NRCAM: variants seen among roughly 807,000 people sequenced by gnomAD.
NRCAM encodes the protein neuronal cell adhesion molecule, also known as NgCAM-related cell adhesion molecule.
In NRCAM, 83 loss-of-function variants were observed where a neutral mutation model predicts 156.5. The observed-to-expected ratio is 0.53, with a 90% CI of 0.44 to 0.64. NRCAM has a LOEUF of 0.64. NRCAM is among the 30% of genes least tolerant of loss of function. The pLI, the probability that NRCAM is intolerant of heterozygous loss-of-function variation, is 0.00. For synonymous variants in NRCAM, 538 were observed against 563.9 expected (o/e 0.95, Z 0.65); for missense variants, 1,417 against 1,597.3 (o/e 0.89, Z 1.92).
chr7:108,167,129 C>T, intron 29 of NRCAM, 56 bp from the exon 30 acceptor site: 1 of 1,395,326 alleles, frequency 7.2e-7, no homozygotes, highest in Non-Finnish European at 9.9e-7. Context: ...CCAGAAGTCA[C>T]TTAATGCTTC....
chr7:108,174,239 A>T (rs1009471631), intron 28 of NRCAM, among the ~76,000 whole-genome samples: 1 of 152,214 alleles, frequency 6.6e-6, no homozygotes, highest in African/African-American at 2.4e-5. Flanking sequence ...ATTACTGAAA[A>T]TGGCTACAGT....
intron 2 of NRCAM, among the ~76,000 whole-genome samples, chr7:108,352,958 TTCTC>T (rs776228014): frequency 2.0e-5 from 3 of 152,152 alleles, no homozygotes; most frequent in African/African-American, 7.2e-5. Flanking sequence ...ACCTATTCAT[TTCTC>T]TCTAAGCCTG....
chr7:108,250,016 G>T (rs763146819), intron 3 of NRCAM, among the ~76,000 whole-genome samples: 55 of 152,252 alleles, frequency 3.6e-4, no homozygotes, highest in Non-Finnish European at 6.9e-4. Flanking sequence ...CATGTTTGTT[G>T]CAACAATATT....
chr7:108,171,097 T>A (rs2058198210), intron 28 of NRCAM, among the ~76,000 whole-genome samples: 1 of 152,160 alleles, frequency 6.6e-6, no homozygotes, highest in African/African-American at 2.4e-5. Context: ...TTCCTTTTAA[T>A]CCCCACTCAT....
intron 13 of NRCAM, among the ~76,000 whole-genome samples, chr7:108,204,697 C>A (rs570159170): frequency 6.6e-6 from 1 of 152,248 alleles, no homozygotes; most frequent in African/African-American, 2.4e-5. Flanking sequence ...AGAGGGTGAG[C>A]GACCCTGGAT....
chr7:108,235,466 G>A (rs1392577496), intron 5 of NRCAM, among the ~76,000 whole-genome samples: 3 of 152,132 alleles, frequency 2.0e-5, no homozygotes, highest in African/African-American at 7.2e-5. Flanking sequence ...ATCAGAATTA[G>A]TGTTATGACA....
chr7:108,437,999 GA>G (rs1834190073), intron 1 of NRCAM, among the ~76,000 whole-genome samples: 2 of 146,392 alleles, frequency 1.4e-5, no homozygotes. Flanking sequence ...AACTCAAGGA[GA>G]CATGGAAAAT....
In NRCAM at chr7:108,240,103, T is replaced by C. The variant is rs1405544951; in HGVS notation, c.-39A>G. 18 of 1,407,582 alleles carry C rather than the reference T, an allele frequency of 1.3e-5. No homozygotes were observed. Among genetic ancestry groups the C allele is most frequent in the South Asian group, 2.4e-5 (2 of 83,208 alleles). 87.2% of individuals were successfully genotyped at this position (1,407,582 alleles called of 1,614,324 possible). A position where few individuals can be genotyped will look rare whatever the true frequency, so the allele number is the denominator to read the frequency against. On this transcript the variant is annotated 5_prime_UTR_variant, in exon 4 of 33. Transcript: ENST00000379028. ...GCTGAGACTCACACACTGAATTTCCTTTTCTTCTTTCACAAAAGATTTTGT... is the reference window on the plus strand; with the variant it reads ...GCTGAGACTCACACACTGAATTTCCCTTTCTTCTTTCACAAAAGATTTTGT...
intron 2 of NRCAM, among the ~76,000 whole-genome samples, chr7:108,314,527 C>A (rs2154188642): frequency 6.6e-6 from 1 of 152,218 alleles, no homozygotes; most frequent in Non-Finnish European, 1.5e-5. Flanking sequence ...CAGATAACAT[C>A]CACGCGAAAA....
chr7:108,341,769 C>T (rs2099279936), intron 2 of NRCAM, among the ~76,000 whole-genome samples: 1 of 152,124 alleles, frequency 6.6e-6, no homozygotes, highest in South Asian at 2.1e-4. Context: ...GAACTAAAAG[C>T]CCAAGGCTTA....
At chr7:108,231,708 TG>T (rs1273952539) in intron 7 of NRCAM, among the ~76,000 whole-genome samples, 2 of 152,212 alleles carry the variant, frequency 1.3e-5, no homozygotes, top group African/African-American at 4.8e-5. Flanking sequence ...TTTCCTTGAA[TG>T]GAAGGATTCA....
At chr7:108,374,634 A>T (rs1325874199) in intron 2 of NRCAM, among the ~76,000 whole-genome samples, 1 of 152,192 alleles carries the variant, frequency 6.6e-6, no homozygotes, top group Admixed American at 6.6e-5. Flanking sequence ...TCAATTCAAC[A>T]AACACTGAGC....
intron 3 of NRCAM, among the ~76,000 whole-genome samples, chr7:108,274,751 T>C (rs529549628): frequency 5.9e-5 from 9 of 152,294 alleles, no homozygotes; most frequent in East Asian, 3.9e-4. Flanking sequence ...TGCTTGATTG[T>C]CCTGGCCAGA....
chr7:108,406,649 C>T (rs535538337), intron 1 of NRCAM, among the ~76,000 whole-genome samples: 2 of 152,206 alleles, frequency 1.3e-5, no homozygotes, highest in Non-Finnish European at 2.9e-5. Flanking sequence ...CAGCTGGAGT[C>T]AGTCAAAATG....
intron 1 of NRCAM, among the ~76,000 whole-genome samples, chr7:108,435,000 T>A (rs1393176297): frequency 2.8e-5 from 4 of 144,872 alleles, no homozygotes; most frequent in East Asian, 2.0e-4. Context: ...ACGAGACAAG[T>A]AAAGAAAAAG....
In NRCAM at chr7:108,184,233, T is replaced by C. The variant is rs2065306247; in HGVS notation, c.2304+8A>G. 1.2e-6 allele frequency: 2 copies of C among 1,610,952 alleles called. No individual in the cohort carries two copies. Among genetic ancestry groups the C allele is most frequent in the Non-Finnish European group, 1.7e-6 (2 of 1,177,254 alleles). On this transcript the variant is annotated splice_region_variant and intron_variant, in intron 22 of 32. Transcript: ENST00000379028. ...ATAGCGAATAAATTTGAAGGCATCA[T>C]AGCTCACCTTCCACGTAATCACCAA... is the stretch of plus-strand genomic sequence containing the variant.
In NRCAM at chr7:108,184,244, C is replaced by G; in HGVS notation, c.2301G>C (p.Trp767Cys). The G allele has an allele frequency of 6.2e-7, 1 of 1,613,592 alleles. No homozygotes were observed. Among genetic ancestry groups the G allele is most frequent in the Non-Finnish European group, 8.5e-7 (1 of 1,179,542 alleles). Reference sequence around the variant, plus strand: ...ATTTGAAGGCATCATAGCTCACCTTCCACGTAATCACCAAATTATCAGGCT... The same window carrying G: ...ATTTGAAGGCATCATAGCTCACCTTGCACGTAATCACCAAATTATCAGGCT... Reference protein sequence around the residue: ...GSEPDNLVITWKPLNGFESNG... With the variant: ...GSEPDNLVITCKPLNGFESNG... Residue 767 changes from tryptophan (W) to cysteine (C), a missense_variant, in exon 22 of 33, where the codon TGG becomes TGC. Trp to Cys is a radical substitution (Grantham distance 215). Coordinates refer to ENST00000379028, the MANE Select transcript of NRCAM (RefSeq NM_001037132.4).
intron 7 of NRCAM, among the ~76,000 whole-genome samples, 155 bp downstream of exon 7, chr7:108,232,171 G>C (rs954837616): frequency 6.6e-6 from 1 of 152,080 alleles, no homozygotes; most frequent in Non-Finnish European, 1.5e-5. Flanking sequence ...CCTAGGGTAA[G>C]GTGGAAAGGA....
At chr7:108,181,436 T>G (rs1288856169) in intron 24 of NRCAM, among the ~76,000 whole-genome samples, 5 of 152,306 alleles carry the variant, frequency 3.3e-5, no homozygotes, top group Non-Finnish European at 5.9e-5. Flanking sequence ...CTGAATTATT[T>G]TAAAAATGCC....
Sources: gnomAD v4.1 joint callset for allele counts (sites outside exome capture counted in the v4.1 genomes callset) on GRCh38, gnomAD v4.1.1 for gene constraint, MANE v1.5 for transcripts, NCBI Gene and HGNC (gene_info 2026-07-23, HGNC 2026-07-21) for gene names.